Variants in TSGA10 observed in about 807,000 individuals in gnomAD.
TSGA10 encodes the protein testis-specific gene 10 protein.
A neutral mutation model predicts 96.6 loss-of-function variants in TSGA10; 43 were observed. The observed-to-expected ratio is 0.44, with a 90% CI of 0.35 to 0.57. TSGA10 has a LOEUF of 0.57. Among genes scored for constraint, TSGA10 ranks in the 20% least tolerant of loss-of-function variants. The pLI is 0.01. For synonymous variants in TSGA10, 229 were observed against 269.9 expected (o/e 0.85, Z 1.48); for missense variants, 703 against 834.4 (o/e 0.84, Z 1.94).
intron 16 of TSGA10, among the ~76,000 whole-genome samples, chr2:99,045,587 T>A (rs778092053): frequency 0.011 from 1,629 of 152,232 alleles, 9 homozygotes; most frequent in Middle Eastern, 0.027. Context: ...AAGGAAGCAC[T>A]AAACATGGAA....
chr2:99,120,516 A>G (rs2092514464), intron 2 of TSGA10, among the ~76,000 whole-genome samples: 1 of 152,216 alleles, frequency 6.6e-6, no homozygotes, highest in African/African-American at 2.4e-5. Flanking sequence ...AATGCCTAGA[A>G]TTTGCAGAAT....
intron 1 of TSGA10, among the ~76,000 whole-genome samples, chr2:99,131,917 T>C (rs1363494184): frequency 6.6e-6 from 1 of 152,152 alleles, no homozygotes; most frequent in Non-Finnish European, 1.5e-5. Flanking sequence ...TGAGATGGAT[T>C]ATGTTTATTG....
chr2:99,134,159 G>C (rs565980565), intron 1 of TSGA10, among the ~76,000 whole-genome samples: 1 of 152,240 alleles, frequency 6.6e-6, no homozygotes, highest in Admixed American at 6.5e-5. Flanking sequence ...AGTCCTCCTG[G>C]ATAATATCCT....
intron 20 of TSGA10, among the ~76,000 whole-genome samples, chr2:99,003,507 GCAC>G (rs1353680315): frequency 1.3e-5 from 2 of 152,150 alleles, no homozygotes; most frequent in African/African-American, 4.8e-5. Flanking sequence ...ATTCTTCTCA[GCAC>G]CACATCACAC....
intron 11 of TSGA10, among the ~76,000 whole-genome samples, chr2:99,080,713 T>G (rs188084802): frequency 1.3e-5 from 2 of 152,262 alleles, no homozygotes; most frequent in Admixed American, 6.5e-5. Flanking sequence ...ATATTTCCTC[T>G]GCTTTAAAAT....
chr2:99,106,962 C>G (rs1269590275), intron 7 of TSGA10, among the ~76,000 whole-genome samples: 1 of 152,186 alleles, frequency 6.6e-6, no homozygotes, highest in Non-Finnish European at 1.5e-5. Flanking sequence ...CTATTTAACT[C>G]TTGCCTCTCT....
chr2:99,126,947 A>G (rs74408431), intron 2 of TSGA10, 101 bp downstream of exon 2: 22 of 1,068,090 alleles, frequency 2.1e-5, no homozygotes, highest in Non-Finnish European at 2.6e-5. Flanking sequence ...TAACATTTAA[A>G]TGAGCTCTGA....
chr2:99,117,865 GAA>G (rs1222715963), intron 3 of TSGA10, 106 bp from the exon 4 acceptor site: 1 of 399,762 alleles, frequency 2.5e-6, no homozygotes, highest in Non-Finnish European at 3.4e-6. Context: ...CCCTGGCAAA[GAA>G]ACTTAACTCT....
At chr2:99,041,786 A>G (rs2082203251) in intron 16 of TSGA10, among the ~76,000 whole-genome samples, 1 of 152,212 alleles carries the variant, frequency 6.6e-6, no homozygotes, top group Non-Finnish European at 1.5e-5. Context: ...CATTACCAAG[A>G]ACACAAAAGC....
chr2:99,127,277 T>C, intron 1 of TSGA10, 101 bp from the exon 2 acceptor site: 1 of 995,830 alleles, frequency 1.0e-6, no homozygotes, highest in Non-Finnish European at 1.3e-6. Flanking sequence ...ATTCTTAGAT[T>C]TTTTTTAACC....
At chr2:99,105,495 C>T (rs775253520) in intron 8 of TSGA10, 32 bp downstream of exon 8, 2 of 1,613,856 alleles carry the variant, frequency 1.2e-6, no homozygotes, top group Non-Finnish European at 1.7e-6. Flanking sequence ...TTGTGTTTCA[C>T]ATATATTCAC....
rs563292884 is a variant in TSGA10 at position 99,005,534 on chromosome 2, C to T, written c.2073-7313G>A. Among the ~76,000 whole-genome samples, 1,075 of 152,240 alleles carry T rather than the reference C, an allele frequency of 7.1e-3. 10 individuals carry two copies. The highest frequency in any genetic ancestry group is 0.013 in the Non-Finnish European group (870 of 68,014). On this transcript the variant is annotated intron_variant, in intron 20 of 20. Transcript: ENST00000393483. ...GAGAGCCAAATCATGAGTGAACTCCCATTCACAACTGCTTCAAAGAGAATA... is the reference window on the plus strand; with the variant it reads ...GAGAGCCAAATCATGAGTGAACTCCTATTCACAACTGCTTCAAAGAGAATA...
In TSGA10 at chr2:99,035,213, T is replaced by A. The variant is rs967257497; in HGVS notation, c.1614+17A>T. On this transcript the variant is annotated intron_variant, in intron 17 of 20. Coordinates refer to ENST00000393483, the MANE Select transcript of TSGA10 (RefSeq NM_025244.4). ...CAGTAATAGCAATTTTAAAGATTTT[T>A]AAAATATATTACATACCATTTCTAT... The A allele has an allele frequency of 1.1e-5, 17 of 1,550,570 alleles. No individual in the cohort carries two copies. The highest frequency in any genetic ancestry group is 4.2e-5 in the African/African-American group (3 of 72,062).
intron 20 of TSGA10, among the ~76,000 whole-genome samples, chr2:99,015,486 C>T (rs1005893431): frequency 1.3e-5 from 2 of 151,846 alleles, no homozygotes; most frequent in Non-Finnish European, 2.9e-5. Context: ...AGGAGGGACA[C>T]ACACTTCACA....
intron 1 of TSGA10, among the ~76,000 whole-genome samples, chr2:99,133,720 G>A (rs1301675691): frequency 1.3e-5 from 2 of 152,064 alleles, no homozygotes; most frequent in African/African-American, 4.8e-5. Flanking sequence ...GCAGTGGCTG[G>A]TATGTTTTTC....
chr2:99,004,956 G>A (rs1197823496), intron 20 of TSGA10, among the ~76,000 whole-genome samples: 1 of 152,176 alleles, frequency 6.6e-6, no homozygotes, highest in Non-Finnish European at 1.5e-5. Flanking sequence ...CATCAAGTGG[G>A]CTTCATCCCT....
chr2:99,103,453 C>A (rs955769916), intron 10 of TSGA10, among the ~76,000 whole-genome samples: 13 of 152,184 alleles, frequency 8.5e-5, no homozygotes, highest in Non-Finnish European at 4.4e-5. Flanking sequence ...ATTGATACAT[C>A]TTCGGCAACC....
At chr2:99,052,742 T>TA (rs1032896133) in intron 16 of TSGA10, among the ~76,000 whole-genome samples, 26 of 139,752 alleles carry the variant, frequency 1.9e-4, no homozygotes, top group East Asian at 4.2e-4. Context: ...CATCTCAATT[T>TA]AAAAAAAAAA....
chr2:99,007,425 T>C (rs2078600838), intron 20 of TSGA10, among the ~76,000 whole-genome samples: 1 of 151,964 alleles, frequency 6.6e-6, no homozygotes, highest in Non-Finnish European at 1.5e-5. Flanking sequence ...ATATTTACCA[T>C]GTAAATAGAA....
Sources: gnomAD v4.1 joint callset for allele counts (sites outside exome capture counted in the v4.1 genomes callset) on GRCh38, gnomAD v4.1.1 for gene constraint, MANE v1.5 for transcripts, NCBI Gene and HGNC (gene_info 2026-07-23, HGNC 2026-07-21) for gene names.